The following SRRT variants were observed in gnomAD, a reference collection of about 807,000 sequenced individuals.
SRRT encodes serrate RNA effector molecule homolog.
A neutral mutation model predicts 103.2 loss-of-function variants in SRRT; 32 were observed. The ratio of observed to expected loss-of-function variants is 0.31; its 90% CI spans 0.23 to 0.42. SRRT has a LOEUF of 0.42. SRRT is among the 10% of genes least tolerant of loss of function. The pLI is 1.00. For missense variants in SRRT, 986 were observed against 1,207.5 expected, an observed-to-expected ratio of 0.82 and a Z score of 2.72; for synonymous variants, 525 against 449.0, an observed-to-expected ratio of 1.17 and a Z score of -2.14.
Position 100,887,390 on chromosome 7 carries a change from G to C in SRRT, c.2046G>C (p.Glu682Asp), listed in dbSNP as rs764868365. The C allele has an allele frequency of 2.2e-5, 36 of 1,614,106 alleles. No individual in the cohort carries two copies. Among genetic ancestry groups the C allele is most frequent in the Non-Finnish European group, 2.9e-5 (34 of 1,180,052 alleles). The stretch of plus-strand genomic sequence containing the variant: ...TGAGTGTGCGGGAGTCACTCTCAGA[G>C]GAAGAGGCCCAGAAGATGGGGCGCA... ...PLLSVRESLS[E>D]EEAQKMGRKD... Residue 682 changes from glutamate (E) to aspartate (D), a missense_variant, in exon 16 of 20, where the codon GAG becomes GAC. By Grantham distance (45) the Glu-to-Asp change is conservative. Transcript: ENST00000611405. The surrounding 1 kb of genome is among the most constrained non-coding windows in gnomAD (Gnocchi z 4.1).
chr7:100,877,808 G>A (rs752330913), intron 2 of SRRT, among the ~76,000 whole-genome samples: 1 of 152,100 alleles, frequency 6.6e-6, no homozygotes, highest in Non-Finnish European at 1.5e-5. Context: ...GCCCGCGTTA[G>A]TTGTCTTGAG....
In SRRT at chr7:100,885,469, C is replaced by A; in HGVS notation, c.1317+99C>A. 1 of 1,347,832 alleles carries A rather than the reference C, an allele frequency of 7.4e-7. No individual in the cohort carries two copies. The highest frequency in any genetic ancestry group is 1.0e-6 in the Non-Finnish European group (1 of 986,606). 83.5% of individuals were successfully genotyped at this position (1,347,832 alleles called of 1,614,324 possible). A position where few individuals can be genotyped will look rare whatever the true frequency, so the allele number is the denominator to read the frequency against. ...GCCTGTGACAGATGCCCCCGTTTCA[C>A]CTGCTAGGGAGGCCCCTTCCCCAGG... On this transcript the variant is annotated intron_variant, in intron 10 of 19. Transcript: ENST00000611405. The surrounding 1 kb of genome is among the most constrained non-coding windows in gnomAD (Gnocchi z 4.8).
At position 100,884,515 on chromosome 7, in the gene SRRT, C is replaced by G. The variant is rs780280009; in HGVS notation, c.905C>G (p.Thr302Ser). 15 of 1,612,894 alleles carry G rather than the reference C, an allele frequency of 9.3e-6. No individual in the cohort carries two copies. In the South Asian group the frequency reaches 1.4e-4, roughly 15 times the overall value. The stretch of plus-strand genomic sequence containing the variant: ...GGCCTAGGGGACGGGGAGCGCAAAA[C>G]CAACGACAAGGATGAGAAGAAGGAA... ...GAGLGDGERKTNDKDEKKEDG... is the reference protein window; with the variant it reads ...GAGLGDGERKSNDKDEKKEDG... The change falls in exon 7 of 20, where the codon ACC becomes AGC. Residue 302 changes from threonine to serine, a missense_variant. Coordinates refer to ENST00000611405, the MANE Select transcript of SRRT (RefSeq NM_015908.6).
chr7:100,887,868 C>G lies in SRRT; in HGVS notation c.2326+9C>G, dbSNP rs748324114. Reference sequence around the variant, plus strand: ...ACCTGGCCCCGCCCAGAGTAAGATACGATCCATGAAGGTCGCATGTGCCCT... The same window carrying G: ...ACCTGGCCCCGCCCAGAGTAAGATAGGATCCATGAAGGTCGCATGTGCCCT... On this transcript the variant is annotated intron_variant, in intron 17 of 19. Coordinates refer to ENST00000611405, the MANE Select transcript of SRRT (RefSeq NM_015908.6). The surrounding 1 kb of genome is among the most constrained non-coding windows in gnomAD (Gnocchi z 4.1). The G allele has an allele frequency of 6.3e-7, 1 of 1,596,146 alleles. No individual in the cohort carries two copies. Among genetic ancestry groups the G allele is most frequent in the South Asian group, 1.1e-5 (1 of 90,634 alleles).
At chr7:100,883,592 T>C (rs2115821661) in intron 5 of SRRT, among the ~76,000 whole-genome samples, 1 of 152,310 alleles carries the variant, frequency 6.6e-6, no homozygotes, top group African/African-American at 2.4e-5. Context: ...GGGCTTTTGC[T>C]ATCTGGCCCT....
Position 100,887,082 on chromosome 7 carries a change from G to A in SRRT, c.1857G>A (p.Val619=), listed in dbSNP as rs932599039. Residue 619 remains valine, a synonymous_variant, in exon 15 of 20, where the codon GTG becomes GTA. Coordinates refer to ENST00000611405, the MANE Select transcript of SRRT (RefSeq NM_015908.6). This position sits in a 1 kb window ranked among gnomAD's most constrained non-coding sequence, Gnocchi z 4.1. ...LDKLLLYLRI[V]HSLDYYNTCE... ...AGCTCCTCCTTTACCTGCGCATCGT[G>A]CATTCCTTGGATTATTACAACACCT... is the stretch of plus-strand genomic sequence containing the variant. The A allele has an allele frequency of 6.2e-7, 1 of 1,614,106 alleles. No individual in the cohort carries two copies. Among genetic ancestry groups the A allele is most frequent in the African/African-American group, 1.3e-5 (1 of 74,936 alleles).
chr7:100,886,531 C>A, intron 13 of SRRT, 96 bp downstream of exon 13: 1 of 1,307,120 alleles, frequency 7.7e-7, no homozygotes, highest in Non-Finnish European at 1.0e-6. Flanking sequence ...TGAACCCTTG[C>A]ACCCACTCGC....
At chr7:100,881,142 C>CGGGGGGGGGTGGGGGG (rs1816273212) in intron 2 of SRRT, 143 bp from the exon 3 acceptor site, 1 of 544,866 alleles carries the variant, frequency 1.8e-6, no homozygotes, top group Non-Finnish European at 2.8e-6. Flanking sequence ...TGGCGGGGGG[C>CGGGGGGGGGTGGGGGG]GGGGGGGGGT....
Position 100,888,577 on chromosome 7 carries a change from C to G in SRRT, c.*28C>G. 6.2e-7 allele frequency: 1 copy of G among 1,613,502 alleles called. No homozygotes were observed. The highest frequency in any genetic ancestry group is 8.5e-7 in the Non-Finnish European group (1 of 1,179,422). On this transcript the variant is annotated 3_prime_UTR_variant, in exon 20 of 20. Coordinates refer to ENST00000611405, the MANE Select transcript of SRRT (RefSeq NM_015908.6). The stretch of plus-strand genomic sequence containing the variant: ...CGTCCCCCGTTCCTCAGTCCTGTAT[C>G]ATCCATACTTGTACTACCTTGTCCT...
At position 100,887,061 on chromosome 7, in the gene SRRT, C is replaced by T. The variant is rs1306567182; in HGVS notation, c.1836C>T (p.Leu612=). 5.0e-6 allele frequency: 8 copies of T among 1,614,216 alleles called. No individual in the cohort carries two copies. The highest frequency in any genetic ancestry group is 1.3e-5 in the African/African-American group (1 of 75,072). The change falls in exon 15 of 20, where the codon CTC becomes CTT. Residue 612 remains leucine (L), a synonymous_variant. Transcript: ENST00000611405. The surrounding 1 kb of genome is among the most constrained non-coding windows in gnomAD (Gnocchi z 4.1). ...ACTTCCCTTAGGTCTTGGACAAGCT[C>T]CTCCTTTACCTGCGCATCGTGCATT... ...DEKLIKVLDK[L]LLYLRIVHSL...
intron 7 of SRRT, 62 bp downstream of exon 7, chr7:100,884,614 G>A: frequency 7.0e-7 from 1 of 1,422,746 alleles, no homozygotes; most frequent in South Asian, 1.2e-5. Context: ...GCGGGTAGGG[G>A]TCCATAGGAG....
intron 7 of SRRT, 41 bp from the exon 8 acceptor site, chr7:100,884,699 A>AGG: frequency 6.3e-7 from 1 of 1,592,560 alleles, no homozygotes; most frequent in African/African-American, 1.3e-5. Context: ...TAAAGGTGGG[A>AGG]GGGGAGGTTT....
chr7:100,876,015 G>T, intron 2 of SRRT: 2 of 331,808 alleles, frequency 6.0e-6, no homozygotes, highest in South Asian at 5.1e-5. Context: ...ATGGGGTCTT[G>T]TTCTGCTGCC....
intron 2 of SRRT, among the ~76,000 whole-genome samples, chr7:100,876,203 G>T (rs989404053): frequency 2.0e-5 from 3 of 152,200 alleles, no homozygotes; most frequent in African/African-American, 7.2e-5. Flanking sequence ...CCAGGCTGGA[G>T]TGCAATGGCG....
Position 100,887,805 on chromosome 7 carries a change from A to G in SRRT, c.2272A>G (p.Lys758Glu). 6.2e-7 allele frequency: 1 copy of G among 1,613,170 alleles called. No individual in the cohort carries two copies. The highest frequency in any genetic ancestry group is 8.5e-7 in the Non-Finnish European group (1 of 1,179,214). ...TTTTAACAACTTCCTCACTGATGCT[A>G]AGCGCCCAGCTCTGCCTGAGATCAA... is the stretch of plus-strand genomic sequence containing the variant. ...AFFNNFLTDA[K>E]RPALPEIKPA... Residue 758 changes from lysine to glutamate, a missense_variant, in exon 17 of 20, where the codon AAG becomes GAG. Physicochemically the swap from Lys to Glu is moderately conservative, Grantham distance 56. Coordinates refer to ENST00000611405, the MANE Select transcript of SRRT (RefSeq NM_015908.6). The surrounding 1 kb of genome is among the most constrained non-coding windows in gnomAD (Gnocchi z 4.1).
At chr7:100,875,905 C>T in intron 2 of SRRT, 193 bp downstream of exon 2, 3 of 594,150 alleles carry the variant, frequency 5.0e-6, no homozygotes, top group Admixed American at 5.8e-5. Flanking sequence ...AAATTCTCTG[C>T]AGATCAGAGC....
Position 100,885,615 on chromosome 7 carries a change from C to A in SRRT, c.1318-86C>A. On this transcript the variant is annotated intron_variant, in intron 10 of 19. Transcript: ENST00000611405. The surrounding 1 kb of genome is among the most constrained non-coding windows in gnomAD (Gnocchi z 4.8). ...GGAAGAGTGATAAGGCAGTTAGTCCCTAGGGTTCTGAGGGCAGTGGGGGAT... is the reference window on the plus strand; with the variant it reads ...GGAAGAGTGATAAGGCAGTTAGTCCATAGGGTTCTGAGGGCAGTGGGGGAT... 7.0e-7 allele frequency: 1 copy of A among 1,419,852 alleles called. No individual in the cohort carries two copies. The highest frequency in any genetic ancestry group is 2.5e-5 in the East Asian group (1 of 40,432). The allele number at this position is 1,419,852 out of a possible 1,614,324, so 88.0% of individuals were successfully genotyped here.
At chr7:100,881,582 A>AC in intron 3 of SRRT, 77 bp from the exon 4 acceptor site, 1 of 1,595,526 alleles carries the variant, frequency 6.3e-7, no homozygotes, top group East Asian at 2.3e-5. Context: ...TGCTGTGTGT[A>AC]CCCCCGTCTG....
chr7:100,884,105 A>T lies in SRRT; in HGVS notation c.623A>T (p.Lys208Met). 1.2e-6 allele frequency: 2 copies of T among 1,608,126 alleles called. No homozygotes were observed. Among genetic ancestry groups the T allele is most frequent in the Non-Finnish European group, 1.7e-6 (2 of 1,178,476 alleles). Residue 208 changes from lysine (K) to methionine (M), a missense_variant, in exon 6 of 20, where the codon AAG (lysine) becomes ATG (methionine). By Grantham distance (95) the Lys-to-Met change is moderately conservative. Around this residue, in one of 6 missense-constraint regions of SRRT, gnomAD observed 274 missense variants for 358.5 expected, o/e 0.76. Transcript: ENST00000611405. Reference protein sequence around the residue: ...RSKYHPDEVGKRRQEARGALQ... With the variant: ...RSKYHPDEVGMRRQEARGALQ... ...AAGTACCACCCAGATGAGGTGGGGA[A>T]GCGTCGGCAGGAGGCCCGGGGGGCC...
Sources: allele counts gnomAD v4.1 joint callset (sites outside exome capture counted in the v4.1 genomes callset), GRCh38; gene constraint gnomAD v4.1.1; regional missense constraint gnomAD v4.1.1; non-coding constraint Gnocchi (gnomAD v3.1); transcripts MANE v1.5; gene names NCBI Gene and HGNC (gene_info 2026-07-23, HGNC 2026-07-21).